The following NAV2 variants were observed in gnomAD, a reference collection of about 807,000 sequenced individuals.
The protein encoded by NAV2 is helicase, APC down-regulated 1.
A neutral mutation model predicts 223.2 loss-of-function variants in NAV2; 54 were observed. That is an observed-to-expected ratio of 0.24 (90% CI 0.19 to 0.30). The LOEUF (loss-of-function observed/expected upper bound fraction) is 0.30, where lower values mean the gene tolerates loss of function less well. Among genes scored for constraint, NAV2 ranks in the 10% least tolerant of loss-of-function variants. NAV2 has a pLI of 1.00. For synonymous variants in NAV2, 1,279 were observed against 1,239.3 expected (o/e 1.03, Z -0.67); for missense variants, 2,806 against 3,147.5 (o/e 0.89, Z 2.60).
intron 1 of NAV2, among the ~76,000 whole-genome samples, chr11:19,399,379 C>G (rs929607001): frequency 1.3e-5 from 2 of 152,224 alleles, no homozygotes; most frequent in Non-Finnish European, 2.9e-5. Context: ...CAGGCGCCTT[C>G]CTTCTCTCCC....
At chr11:19,988,298 C>T (rs1411878627) in intron 11 of NAV2, among the ~76,000 whole-genome samples, 2 of 152,208 alleles carry the variant, frequency 1.3e-5, no homozygotes, top group African/African-American at 2.4e-5. Flanking sequence ...AGAAATCAGG[C>T]TTGGTGTGAC....
At chr11:19,672,122 G>A (rs1173751923) in intron 1 of NAV2, among the ~76,000 whole-genome samples, 1 of 152,198 alleles carries the variant, frequency 6.6e-6, no homozygotes, top group African/African-American at 2.4e-5. Flanking sequence ...CAAGCCAGGG[G>A]ATGGAGCAGG....
At chr11:20,088,989 G>A (rs1482913691) in intron 26 of NAV2, among the ~76,000 whole-genome samples, 1 of 150,074 alleles carries the variant, frequency 6.7e-6, no homozygotes. Context: ...AGCTCCTCCT[G>A]CAAACCTCCC....
chr11:19,905,821 C>T (rs1282617942), intron 6 of NAV2, among the ~76,000 whole-genome samples: 1 of 152,170 alleles, frequency 6.6e-6, no homozygotes, highest in African/African-American at 2.4e-5. Context: ...TACCTTCCAA[C>T]ACAAGTAGTG....
intron 4 of NAV2, among the ~76,000 whole-genome samples, chr11:19,873,695 C>G (rs1433315171): frequency 2.0e-5 from 3 of 152,086 alleles, no homozygotes; most frequent in Non-Finnish European, 4.4e-5. Flanking sequence ...TGGAACATTT[C>G]CATTTCCTCC....
chr11:19,897,258 G>A (rs1005727284), intron 6 of NAV2, among the ~76,000 whole-genome samples: 7 of 152,276 alleles, frequency 4.6e-5, no homozygotes, highest in East Asian at 1.9e-4. Context: ...AGGAGGGATA[G>A]CATTTGGAGA....
chr11:19,787,270 CTTTTTTTTTTTTTTTT>C (rs757183666), intron 1 of NAV2, among the ~76,000 whole-genome samples: 3 of 55,002 alleles, frequency 5.5e-5, no homozygotes, highest in Admixed American at 2.4e-4. Context: ...TTTATTGGAT[CTTTTTTTTTTTTTTTT>C]TTTTTTTTTT....
intron 5 of NAV2, among the ~76,000 whole-genome samples, chr11:19,887,785 A>G (rs1238617157): frequency 6.6e-6 from 1 of 152,010 alleles, no homozygotes; most frequent in Non-Finnish European, 1.5e-5. Flanking sequence ...AGCAGATGCC[A>G]TGGAAATGAG....
intron 10 of NAV2, among the ~76,000 whole-genome samples, chr11:19,955,730 C>T (rs369479206): frequency 6.6e-6 from 1 of 152,110 alleles, no homozygotes; most frequent in East Asian, 1.9e-4. Context: ...GCAGACAGTA[C>T]CCTGAATCAA....
intron 3 of NAV2, among the ~76,000 whole-genome samples, chr11:19,864,370 C>T (rs2061967839): frequency 6.6e-6 from 1 of 152,302 alleles, no homozygotes; most frequent in Admixed American, 6.5e-5. Flanking sequence ...AAAAATGCTG[C>T]CATGACAACT....
intron 6 of NAV2, among the ~76,000 whole-genome samples, chr11:19,926,518 A>G (rs145795565): frequency 6.6e-6 from 1 of 152,212 alleles, no homozygotes; most frequent in African/African-American, 2.4e-5. Flanking sequence ...CAGAACCTCT[A>G]AGTGGATCGA....
intron 27 of NAV2, among the ~76,000 whole-genome samples, 192 bp from the exon 28 acceptor site, chr11:20,092,014 G>C (rs1251782244): frequency 3.3e-5 from 5 of 152,154 alleles, no homozygotes; most frequent in Admixed American, 1.3e-4. Flanking sequence ...TGAATGGATG[G>C]ACCTCCCATG....
At chr11:20,065,034 TA>T (rs546769256) in intron 20 of NAV2, among the ~76,000 whole-genome samples, 3 of 151,314 alleles carry the variant, frequency 2.0e-5, no homozygotes, top group African/African-American at 4.8e-5. Context: ...TTTGCAGACT[TA>T]AAAAAAAATA....
chr11:20,075,933 A>T (rs1407753839), intron 22 of NAV2, among the ~76,000 whole-genome samples: 1 of 149,904 alleles, frequency 6.7e-6, no homozygotes, highest in African/African-American at 2.5e-5. Context: ...CTGTGTTTCT[A>T]CTCCCCCTGT....
chr11:19,435,804 T>C (rs548283389), intron 1 of NAV2, among the ~76,000 whole-genome samples: 1 of 152,332 alleles, frequency 6.6e-6, no homozygotes, highest in African/African-American at 2.4e-5. Flanking sequence ...TGGTTTTAAG[T>C]TTCATTTTGC....
chr11:19,803,489 C>G (rs940212757), intron 1 of NAV2, among the ~76,000 whole-genome samples: 2 of 152,242 alleles, frequency 1.3e-5, no homozygotes, highest in Admixed American at 6.5e-5. Flanking sequence ...GTGTTCAAAT[C>G]CTGTCTGTGG....
chr11:19,361,390 G>T (rs1486361421), intron 1 of NAV2, among the ~76,000 whole-genome samples: 3 of 152,074 alleles, frequency 2.0e-5, no homozygotes, highest in Non-Finnish European at 4.4e-5. Flanking sequence ...GCATGACTGG[G>T]TGTCACATCT....
At chr11:19,480,935 A>C (rs2042258367) in intron 1 of NAV2, among the ~76,000 whole-genome samples, 1 of 152,132 alleles carries the variant, frequency 6.6e-6, no homozygotes, top group South Asian at 2.1e-4. Flanking sequence ...CTGGCTAATC[A>C]TGCCTTCTGC....
rs1416163195 is a variant in NAV2, at chr11:19,390,711, G to C, written c.75+39684G>C. ...GGTAAGTGGTGAAGGGGAGGGGAGG[G>C]AAATGGTCAGGAAGGCTTCTCTTGG... On this transcript the variant is annotated intron_variant, in intron 1 of 37. Coordinates refer to the NAV2 transcript ENST00000360655. Among the ~76,000 whole-genome samples, 6 of 152,108 alleles carry C rather than the reference G, an allele frequency of 3.9e-5. No homozygotes were observed. The East Asian group carries it at 1.2e-3, about 29-fold the overall frequency.
Sources: allele counts gnomAD v4.1 joint callset (sites outside exome capture counted in the v4.1 genomes callset), GRCh38; gene constraint gnomAD v4.1.1; transcripts MANE v1.5; gene names NCBI Gene and HGNC (gene_info 2026-07-23, HGNC 2026-07-21).